The following TGM6 variants were observed in gnomAD, a reference collection of about 807,000 sequenced individuals.
The protein encoded by TGM6 is transglutaminase 6, also known as protein-glutamine gamma-glutamyltransferase 6.
TGM6 carries 74 observed loss-of-function variants against 77.5 expected under a neutral mutation model. The observed-to-expected ratio is 0.96, with a 90% confidence interval of 0.79 to 1.16. The LOEUF is 1.16. Among genes scored for constraint, TGM6 ranks in the 50% most tolerant of loss-of-function variants. The probability of loss-of-function intolerance (pLI) is 0.00; values close to 1 mark genes in which losing one functional copy is unlikely to be tolerated. For synonymous variants in TGM6, 383 were observed against 378.9 expected, an observed-to-expected ratio of 1.01 and a Z score of -0.12; for missense variants, 968 against 940.2, an observed-to-expected ratio of 1.03 and a Z score of -0.39.
chr20:2,392,722 C>T (rs576953210), intron 1 of TGM6, among the ~76,000 whole-genome samples: 2 of 152,192 alleles, frequency 1.3e-5, no homozygotes, highest in Admixed American at 6.5e-5. Flanking sequence ...GGCAACATGG[C>T]GAAACCTGGT....
At chr20:2,417,782 G>A (rs891642779) in intron 10 of TGM6, among the ~76,000 whole-genome samples, 1 of 152,168 alleles carries the variant, frequency 6.6e-6, no homozygotes, top group Non-Finnish European at 1.5e-5. Context: ...TAACAGTAAT[G>A]CAAGTCCACA....
chr20:2,431,071 C>A, intron 12 of TGM6, 44 bp downstream of exon 12: 1 of 1,583,818 alleles, frequency 6.3e-7, no homozygotes, highest in Non-Finnish European at 8.5e-7. Flanking sequence ...GGGCTCTCTT[C>A]CTTGTGGATG....
At chr20:2,407,911 C>G (rs1261362157) in intron 9 of TGM6, among the ~76,000 whole-genome samples, 1 of 152,184 alleles carries the variant, frequency 6.6e-6, no homozygotes, top group East Asian at 1.9e-4. Flanking sequence ...ACATGGTGAG[C>G]TGACAGCACA....
chr20:2,427,418 G>A (rs1039421754), intron 10 of TGM6, among the ~76,000 whole-genome samples: 1 of 151,976 alleles, frequency 6.6e-6, no homozygotes, highest in Non-Finnish European at 1.5e-5. Flanking sequence ...AGTAACTTGT[G>A]CCTTCTCTCT....
rs1402808861 is a variant in TGM6 at position 2,398,064 on chromosome 20, C to T, written c.672+18C>T. 3 of 1,614,200 alleles carry T rather than the reference C, an allele frequency of 1.9e-6. No individual in the cohort carries two copies. Among genetic ancestry groups the T allele is most frequent in the Non-Finnish European group, 2.5e-6 (3 of 1,180,032 alleles). ...GTGCCATGGTGAGAAGCCCCTCCAT[C>T]CCTGCACATGTACTTCCTCAAGGAT... On this transcript the variant is annotated intron_variant, in intron 5 of 12. Coordinates refer to ENST00000202625, the MANE Select transcript of TGM6 (RefSeq NM_198994.3).
At chr20:2,418,828 G>A (rs1165122085) in intron 10 of TGM6, among the ~76,000 whole-genome samples, 2 of 147,534 alleles carry the variant, frequency 1.4e-5, no homozygotes, top group African/African-American at 2.7e-5. Context: ...TGTAATCCTA[G>A]CATTTTGGGA....
intron 6 of TGM6, 118 bp downstream of exon 6, chr20:2,399,856 G>A: frequency 1.1e-6 from 1 of 930,984 alleles, no homozygotes; most frequent in Non-Finnish European, 1.6e-6. Context: ...CATTGACAGG[G>A]AGAACGAAGT....
intron 10 of TGM6, among the ~76,000 whole-genome samples, chr20:2,422,617 A>G (rs907532319): frequency 2.6e-5 from 4 of 152,182 alleles, no homozygotes; most frequent in African/African-American, 9.7e-5. Context: ...TAATTTTAAA[A>G]TACTTTACGG....
chr20:2,387,088 T>C (rs151084331), intron 1 of TGM6, among the ~76,000 whole-genome samples: 1 of 152,368 alleles, frequency 6.6e-6, no homozygotes, highest in African/African-American at 2.4e-5. Context: ...TCTTCCCATT[T>C]CTGGGTCTCA....
At chr20:2,404,755 C>T (rs2084738564) in intron 9 of TGM6, among the ~76,000 whole-genome samples, 1 of 151,984 alleles carries the variant, frequency 6.6e-6, no homozygotes, top group Non-Finnish European at 1.5e-5. Flanking sequence ...ATTCTCCTGC[C>T]TCACCCTCCC....
intron 5 of TGM6, 132 bp from the exon 6 acceptor site, chr20:2,399,429 T>C: frequency 8.1e-7 from 1 of 1,234,624 alleles, no homozygotes; most frequent in South Asian, 1.2e-5. Context: ...TGCCCCTAAT[T>C]TTCAGACAGT....
At chr20:2,390,690 C>T (rs543996656) in intron 1 of TGM6, among the ~76,000 whole-genome samples, 8 of 152,164 alleles carry the variant, frequency 5.3e-5, no homozygotes, top group Admixed American at 4.6e-4. Context: ...TCAGTAAGTG[C>T]CATGGAGGAA....
chr20:2,412,488 A>G (rs1568664892), intron 9 of TGM6, among the ~76,000 whole-genome samples: 3 of 151,842 alleles, frequency 2.0e-5, no homozygotes, highest in Non-Finnish European at 4.4e-5. Flanking sequence ...GGTAAATTTT[A>G]TGTTATGTAT....
chr20:2,410,370 C>T (rs1027661341), intron 9 of TGM6, among the ~76,000 whole-genome samples: 1 of 152,074 alleles, frequency 6.6e-6, no homozygotes, highest in African/African-American at 2.4e-5. Flanking sequence ...GATGGAAACC[C>T]CACACCACCC....
intron 10 of TGM6, among the ~76,000 whole-genome samples, chr20:2,424,179 A>T (rs1385817940): frequency 1.3e-5 from 2 of 152,256 alleles, no homozygotes; most frequent in Non-Finnish European, 2.9e-5. Flanking sequence ...TAATGCACAG[A>T]GTCAGCCTCT....
chr20:2,427,122 T>G (rs1379726988), intron 10 of TGM6, among the ~76,000 whole-genome samples: 2 of 152,208 alleles, frequency 1.3e-5, no homozygotes, highest in East Asian at 3.8e-4. Context: ...TGAACCCATC[T>G]GGGATTAATG....
chr20:2,410,020 G>A (rs550855243), intron 9 of TGM6, among the ~76,000 whole-genome samples: 1 of 152,218 alleles, frequency 6.6e-6, no homozygotes, highest in South Asian at 2.1e-4. Flanking sequence ...CCAGTTTCTG[G>A]CACACAGCTC....
rs192353033 is a variant in TGM6 at position 2,388,476 on chromosome 20, G to A, written c.8-5976G>A. The stretch of plus-strand genomic sequence containing the variant: ...GATTCCCAGCTCCATCACTTAGAAG[G>A]CTGTGTAACTCTGGGTCATGTGCAG... On this transcript the variant is annotated intron_variant, in intron 1 of 12. Transcript: ENST00000202625. 2.0e-4 allele frequency among the ~76,000 whole-genome samples: 31 copies of A among 152,244 alleles called. No individual in the cohort carries two copies. In the East Asian group the frequency reaches 6.0e-3, roughly 29 times the overall value.
chr20:2,396,851 A>T (rs989303312), intron 4 of TGM6, among the ~76,000 whole-genome samples: 1 of 152,158 alleles, frequency 6.6e-6, no homozygotes, highest in African/African-American at 2.4e-5. Flanking sequence ...AGAACAGGTC[A>T]GTATGGTTGT....
Sources: allele counts gnomAD v4.1 joint callset (sites outside exome capture counted in the v4.1 genomes callset), GRCh38; gene constraint gnomAD v4.1.1; transcripts MANE v1.5; gene names NCBI Gene and HGNC (gene_info 2026-07-23, HGNC 2026-07-21).